Variants in LATS1 observed in about 807,000 individuals in gnomAD.
LATS1 encodes large tumor suppressor kinase 1, also known as serine/threonine-protein kinase LATS1.
Under a neutral mutation model 106.6 loss-of-function variants are expected in LATS1, and 25 were observed. The ratio of observed to expected loss-of-function variants is 0.23; its 90% CI spans 0.17 to 0.33. LATS1 has a LOEUF of 0.33. LATS1 is among the 10% of genes least tolerant of loss of function. The probability of loss-of-function intolerance (pLI) is 1.00; values close to 1 mark genes in which losing one functional copy is unlikely to be tolerated. For synonymous variants in LATS1, 465 were observed against 455.6 expected (o/e 1.02, Z -0.26); for missense variants, 1,040 against 1,382.6 (o/e 0.75, Z 3.93).
At chr6:149,687,675 C>G (rs973281596) in intron 3 of LATS1, among the ~76,000 whole-genome samples, 3 of 152,042 alleles carry the variant, frequency 2.0e-5, no homozygotes, top group Non-Finnish European at 4.4e-5. Context: ...TCAAGTGATC[C>G]TCCTTCCTCA....
intron 7 of LATS1, among the ~76,000 whole-genome samples, chr6:149,667,265 G>A (rs1176785905): frequency 6.6e-6 from 1 of 151,518 alleles, no homozygotes; most frequent in African/African-American, 2.4e-5. Flanking sequence ...TGAGAACCCT[G>A]TCTTAATAAA....
At chr6:149,667,162 G>A (rs1490727316) in intron 7 of LATS1, among the ~76,000 whole-genome samples, 3 of 151,476 alleles carry the variant, frequency 2.0e-5, no homozygotes, top group South Asian at 2.1e-4. Context: ...GGCTGTGCAC[G>A]GTGGTGTCAC....
Position 149,696,961 on chromosome 6 carries a change from G to C in LATS1, c.349-1740C>G. ...GAAAACATGTAAACTACCAAGCACA[G>C]TGCCTGGAGCTAAAATGTTGGCTGC... On this transcript the variant is annotated intron_variant, in intron 2 of 7. Transcript: ENST00000543571. The C allele has an allele frequency of 9.1e-6, 4 of 441,122 alleles. 1 individual carries two copies. The highest frequency in any genetic ancestry group is 7.4e-4 in the Middle Eastern group (2 of 2,692). The allele number at this position is 441,122 out of a possible 1,614,324, so 27.3% of individuals were successfully genotyped here.
chr6:149,662,310 C>A, intron 7 of LATS1, 72 bp from the exon 8 acceptor site: 1 of 1,255,926 alleles, frequency 8.0e-7, no homozygotes, highest in Non-Finnish European at 1.1e-6. Context: ...AGTTTTATAC[C>A]AAAAGTCTCA....
chr6:149,715,621 TA>T (rs1362345781), intron 1 of LATS1, among the ~76,000 whole-genome samples: 1 of 152,302 alleles, frequency 6.6e-6, no homozygotes, highest in African/African-American at 2.4e-5. Context: ...ATTGCTGCAA[TA>T]AAAATTCTTG....
At chr6:149,686,995 C>T (rs1360836866) in intron 3 of LATS1, among the ~76,000 whole-genome samples, 1 of 152,178 alleles carries the variant, frequency 6.6e-6, no homozygotes, top group Non-Finnish European at 1.5e-5. Flanking sequence ...GGTTTATACG[C>T]TTATACTCCC....
chr6:149,660,212 C>G lies in LATS1; in HGVS notation c.*1517G>C, dbSNP rs1391210575. ...GCTTCCTTCAGATTCTCAAAAGAAC[C>G]ACTAACCCCAAAAGACGCACGATAA... is the stretch of plus-strand genomic sequence containing the variant. On this transcript the variant is annotated 3_prime_UTR_variant, in exon 8 of 8. Coordinates refer to ENST00000543571, the MANE Select transcript of LATS1 (RefSeq NM_004690.4). The G allele has an allele frequency of 4.3e-6, 1 of 232,624 alleles. No individual in the cohort carries two copies. 14.4% of individuals were successfully genotyped at this position (232,624 alleles called of 1,614,324 possible). A position where few individuals can be genotyped will look rare whatever the true frequency, so the allele number is the denominator to read the frequency against.
At chr6:149,665,565 A>T (rs1021137341) in intron 7 of LATS1, among the ~76,000 whole-genome samples, 1 of 152,188 alleles carries the variant, frequency 6.6e-6, no homozygotes, top group African/African-American at 2.4e-5. Context: ...TACTGGGGAC[A>T]TCACAGAGAG....
intron 4 of LATS1, among the ~76,000 whole-genome samples, chr6:149,681,680 C>T (rs774307257): frequency 1.1e-4 from 17 of 152,234 alleles, no homozygotes; most frequent in Admixed American, 3.9e-4. Flanking sequence ...AATAACAATA[C>T]TGTAAAATCA....
intron 1 of LATS1, among the ~76,000 whole-genome samples, chr6:149,709,668 CTTTTTTTTT>C (rs142425039): frequency 5.3e-5 from 4 of 75,502 alleles, no homozygotes; most frequent in Admixed American, 4.0e-4. Context: ...AACCCCTTAT[CTTTTTTTTT>C]TTTTTTTTTT....
chr6:149,664,238 C>G (rs1433777976), intron 7 of LATS1, among the ~76,000 whole-genome samples: 2 of 146,742 alleles, frequency 1.4e-5, no homozygotes, highest in African/African-American at 5.0e-5. Context: ...AACTGAAGCA[C>G]AGAGAGAAAA....
chr6:149,697,941 T>C (rs1449659013), intron 2 of LATS1, among the ~76,000 whole-genome samples: 5 of 152,162 alleles, frequency 3.3e-5, no homozygotes, highest in African/African-American at 1.2e-4. Flanking sequence ...GGTTTTGCCT[T>C]GTTGGCCAGG....
At chr6:149,685,256 T>A (rs1393742419) in intron 3 of LATS1, among the ~76,000 whole-genome samples, 1 of 151,998 alleles carries the variant, frequency 6.6e-6, no homozygotes, top group Non-Finnish European at 1.5e-5. Flanking sequence ...TATATATATA[T>A]TTTTGAAGAG....
intron 7 of LATS1, among the ~76,000 whole-genome samples, chr6:149,672,187 T>C (rs1474585673): frequency 7.0e-6 from 1 of 143,660 alleles, no homozygotes; most frequent in Non-Finnish European, 1.5e-5. Flanking sequence ...CCACCATACC[T>C]GGCCAAGATC....
chr6:149,664,339 G>C (rs376249149), intron 7 of LATS1, among the ~76,000 whole-genome samples: 2 of 110,788 alleles, frequency 1.8e-5, no homozygotes, highest in Non-Finnish European at 3.5e-5. Context: ...GTCTCAAAAG[G>C]TAAGAAAGCA....
chr6:149,696,870 C>T (rs1783122609), intron 2 of LATS1, among the ~76,000 whole-genome samples: 1 of 152,144 alleles, frequency 6.6e-6, no homozygotes, highest in African/African-American at 2.4e-5. Context: ...CAAATTATTT[C>T]ACATTTCAGA....
rs58373258 is a variant in LATS1, at chr6:149,664,161, C to CA, written c.2884-1924dup. Among the ~76,000 whole-genome samples, 1,050 of 121,188 alleles carry CA rather than the reference C, an allele frequency of 8.7e-3. 15 individuals are homozygous for CA. The highest frequency in any genetic ancestry group is 0.027 in the African/African-American group (926 of 34,152). 79.5% of individuals were successfully genotyped at this position (121,188 alleles called of 152,430 possible). ...ATATTTAGGATTTTTCAGTTTAAGGCAAAAAAAAAAAAAAGAGCACAGCAA... is the reference window on the plus strand; with the variant it reads ...ATATTTAGGATTTTTCAGTTTAAGGCAAAAAAAAAAAAAAAGAGCACAGCAA... On this transcript the variant is annotated intron_variant, in intron 7 of 7. Coordinates refer to ENST00000543571, the MANE Select transcript of LATS1 (RefSeq NM_004690.4).
At chr6:149,703,442 C>T (rs919037656) in intron 1 of LATS1, among the ~76,000 whole-genome samples, 2 of 152,144 alleles carry the variant, frequency 1.3e-5, no homozygotes, top group African/African-American at 4.8e-5. Context: ...AAGGTGGGGT[C>T]TGGTGGGAGG....
intron 7 of LATS1, among the ~76,000 whole-genome samples, chr6:149,666,139 C>CAAAAA (rs35062371): frequency 6.8e-4 from 39 of 57,068 alleles, no homozygotes; most frequent in African/African-American, 2.6e-3. Context: ...ACTCCGTCTC[C>CAAAAA]AAAAAAAAAA....
Sources: allele counts gnomAD v4.1 joint callset (sites outside exome capture counted in the v4.1 genomes callset), GRCh38; gene constraint gnomAD v4.1.1; transcripts MANE v1.5; gene names NCBI Gene and HGNC (gene_info 2026-07-23, HGNC 2026-07-21).